PYGB: variants seen among roughly 807,000 people sequenced by gnomAD.
The protein encoded by PYGB is glycogen phosphorylase, brain form.
PYGB carries 82 observed loss-of-function variants against 94.3 expected under a neutral mutation model. The observed-to-expected ratio is 0.87, with a 90% CI of 0.73 to 1.04. PYGB has a LOEUF of 1.04. Ranked by LOEUF, PYGB falls within the 50% of genes least tolerant of loss-of-function variation. The pLI is 0.00. For synonymous variants in PYGB, 488 were observed against 479.1 expected, an observed-to-expected ratio of 1.02 and a Z score of -0.24; for missense variants, 1,132 against 1,158.2, an observed-to-expected ratio of 0.98 and a Z score of 0.33.
intron 4 of PYGB, among the ~76,000 whole-genome samples, chr20:25,273,687 A>G (rs768864577): frequency 1.3e-5 from 2 of 152,060 alleles, no homozygotes; most frequent in Admixed American, 6.5e-5. Flanking sequence ...ACTCGTCTCT[A>G]GTGCCACTGG....
chr20:25,292,520 G>T lies in PYGB; in HGVS notation c.2084G>T (p.Gly695Val). 6.2e-7 allele frequency: 1 copy of T among 1,613,636 alleles called. No individual in the cohort carries two copies. The highest frequency in any genetic ancestry group is 8.5e-7 in the Non-Finnish European group (1 of 1,180,020). Residue 695 changes from glycine (G) to valine (V), a missense_variant, in exon 17 of 20, where the codon GGC (glycine) becomes GTC (valine). By Grantham distance (109) the Gly-to-Val change is moderately radical (BLOSUM62 -3). Transcript: ENST00000216962. ...GCCCTCACCATCGGCACCATGGACG[G>T]CGCCAACGTGGAGATGGCCGAGGAG... ...NGALTIGTMD[G>V]ANVEMAEEAG...
chr20:25,270,288 G>A (rs936160298), intron 3 of PYGB, among the ~76,000 whole-genome samples: 6 of 146,382 alleles, frequency 4.1e-5, no homozygotes, highest in South Asian at 2.2e-4. Flanking sequence ...TGCAAGCTCC[G>A]CCTCCCGGTT....
intron 3 of PYGB, among the ~76,000 whole-genome samples, chr20:25,270,437 C>A (rs530192450): frequency 6.6e-6 from 1 of 152,084 alleles, no homozygotes; most frequent in African/African-American, 2.4e-5. Flanking sequence ...CTCCTGACCT[C>A]GTGATCTGCC....
chr20:25,272,860 CAG>C (rs1234630574), intron 4 of PYGB, among the ~76,000 whole-genome samples: 7 of 152,208 alleles, frequency 4.6e-5, no homozygotes, highest in African/African-American at 1.7e-4. Context: ...GGCAGAAGCT[CAG>C]AGGCTCCCCT....
At chr20:25,280,712 G>C (rs531468814) in intron 10 of PYGB, among the ~76,000 whole-genome samples, 4 of 152,222 alleles carry the variant, frequency 2.6e-5, no homozygotes, top group African/African-American at 9.6e-5. Flanking sequence ...GGGCTGGGGA[G>C]TTGGGTGAGC....
intron 1 of PYGB, among the ~76,000 whole-genome samples, chr20:25,249,656 A>G (rs904219391): frequency 6.6e-6 from 1 of 152,154 alleles, no homozygotes; most frequent in African/African-American, 2.4e-5. Flanking sequence ...TAAAATGGAG[A>G]TGGTAAAAGG....
intron 19 of PYGB, 65 bp downstream of exon 19, chr20:25,295,735 A>T (rs998592761): frequency 3.3e-6 from 5 of 1,498,066 alleles, no homozygotes; most frequent in Admixed American, 3.3e-5. Flanking sequence ...GTGTTGGGTC[A>T]GATTGTTTAT....
intron 19 of PYGB, 96 bp from the exon 20 acceptor site, chr20:25,296,274 C>A: frequency 6.8e-7 from 1 of 1,474,434 alleles, no homozygotes. Context: ...AGGCTCGGAG[C>A]TCATTTGGAA....
intron 14 of PYGB, among the ~76,000 whole-genome samples, 171 bp downstream of exon 14, chr20:25,284,422 T>A (rs2088399539): frequency 6.6e-6 from 1 of 152,220 alleles, no homozygotes; most frequent in Non-Finnish European, 1.5e-5. Flanking sequence ...TTTTTCTGTG[T>A]GCCCCATGCC....
At position 25,295,660 on chromosome 20, in the gene PYGB, A is replaced by G; in HGVS notation, c.2369A>G (p.Gln790Arg). The change falls in exon 19 of 20, where the codon CAG becomes CGG. Residue 790 changes from glutamine (Q) to arginine (R), a missense_variant. Gln to Arg is a conservative substitution (Grantham distance 43). Coordinates refer to ENST00000216962, the MANE Select transcript of PYGB (RefSeq NM_002862.4). Reference protein sequence around the residue: ...AYMQCQAQVDQLYRNPKEWTK... With the variant: ...AYMQCQAQVDRLYRNPKEWTK... ...ATGCAGTGCCAGGCACAGGTGGACC[A>G]GCTGTACCGGGTGAGGCTCCTGGGT... 3 of 1,613,918 alleles carry G rather than the reference A, an allele frequency of 1.9e-6. No individual in the cohort carries two copies. The highest frequency in any genetic ancestry group is 1.7e-6 in the Non-Finnish European group (2 of 1,179,822).
chr20:25,251,906 A>G (rs987793315), intron 1 of PYGB, among the ~76,000 whole-genome samples: 1 of 151,844 alleles, frequency 6.6e-6, no homozygotes, highest in African/African-American at 2.4e-5. Flanking sequence ...AATACGATTA[A>G]TCTTTTGGTT....
intron 16 of PYGB, among the ~76,000 whole-genome samples, chr20:25,291,054 G>A (rs1218903911): frequency 6.6e-6 from 1 of 151,578 alleles, no homozygotes; most frequent in African/African-American, 2.4e-5. Flanking sequence ...GGGCCCCTCT[G>A]CTGGCAGGAC....
At position 25,296,454 on chromosome 20, in the gene PYGB, GCACGGGAGATCTGGGGTGTGGAGCCCTC is replaced by G; in HGVS notation, c.2466_2493del (p.Arg823ThrfsTer68). 6.2e-7 allele frequency: 1 copy of G among 1,614,028 alleles called. No individual in the cohort carries two copies. Among genetic ancestry groups the G allele is most frequent in the Non-Finnish European group, 8.5e-7 (1 of 1,180,028 alleles). On this transcript the variant is annotated frameshift_variant, in exon 20 of 20. Coordinates refer to ENST00000216962, the MANE Select transcript of PYGB (RefSeq NM_002862.4). LOFTEE classifies it high-confidence loss of function. ...CAGTGACCGGACCATCACGGAGTATGCACGGGAGATCTGGGGTGTGGAGCCCTCCGACCTGCAGATCCCGCCCCCCAAC... is the reference window on the plus strand; with the variant it reads ...CAGTGACCGGACCATCACGGAGTATGCGACCTGCAGATCCCGCCCCCCAAC...
At chr20:25,250,400 G>A (rs1266129093) in intron 1 of PYGB, among the ~76,000 whole-genome samples, 6 of 152,166 alleles carry the variant, frequency 3.9e-5, no homozygotes, top group Admixed American at 3.9e-4. Flanking sequence ...TCTTTTGATT[G>A]TCTACGTGTG....
rs775680761 is a variant in PYGB, at chr20:25,271,442, T to C, written c.484T>C (p.Tyr162His). ...GGCAGCATACGGCTATGGAATCCGCTATGAATTTGGGATTTTTAACCAGAA... is the reference window on the plus strand; with the variant it reads ...GGCAGCATACGGCTATGGAATCCGCCATGAATTTGGGATTTTTAACCAGAA... ...GLAAYGYGIR[Y>H]EFGIFNQKIV... The change falls in exon 4 of 20, where the codon TAT becomes CAT. Residue 162 changes from tyrosine to histidine, a missense_variant. Transcript: ENST00000216962. The C allele has an allele frequency of 6.2e-7, 1 of 1,614,222 alleles. No individual in the cohort carries two copies. Among genetic ancestry groups the C allele is most frequent in the East Asian group, 2.2e-5 (1 of 44,888 alleles).
chr20:25,291,672 G>T (rs184837743), intron 16 of PYGB, among the ~76,000 whole-genome samples: 26 of 152,086 alleles, frequency 1.7e-4, no homozygotes, highest in South Asian at 2.1e-4. Context: ...CGTGCTGCCT[G>T]AGGCTCCCCT....
At chr20:25,283,303 C>A in intron 13 of PYGB, 26 bp downstream of exon 13, 1 of 1,586,678 alleles carries the variant, frequency 6.3e-7, no homozygotes, top group Non-Finnish European at 8.6e-7. Context: ...GCCCCAGCCC[C>A]GACCCCAGCC....
intron 13 of PYGB, 74 bp from the exon 14 acceptor site, chr20:25,284,030 A>C: frequency 6.4e-7 from 1 of 1,564,514 alleles, no homozygotes; most frequent in South Asian, 1.2e-5. Context: ...AGGGCACTTG[A>C]AGCAGGAAGC....
intron 15 of PYGB, 178 bp downstream of exon 15, chr20:25,288,661 T>C (rs1389232385): frequency 1.4e-6 from 1 of 703,664 alleles, no homozygotes; most frequent in Admixed American, 2.9e-5. Flanking sequence ...CAGAATGGGA[T>C]GGAAGCCTCC....
Sources: allele counts gnomAD v4.1 joint callset (sites outside exome capture counted in the v4.1 genomes callset), GRCh38; gene constraint gnomAD v4.1.1; transcripts MANE v1.5; gene names NCBI Gene and HGNC (gene_info 2026-07-23, HGNC 2026-07-21).